The following NXPE2 variants were observed in gnomAD, a reference collection of about 807,000 sequenced individuals.
NXPE2 encodes neurexophilin and PC-esterase domain family member 2.
NXPE2 carries 34 observed loss-of-function variants against 34.4 expected under a neutral mutation model. The observed-to-expected ratio is 0.99, with a 90% CI of 0.75 to 1.31. NXPE2 has a LOEUF of 1.31. NXPE2 is among the 40% of genes most tolerant of loss of function. The pLI, the probability that NXPE2 is intolerant of heterozygous loss-of-function variation, is 0.00. For missense variants in NXPE2, 649 were observed against 672.5 expected (o/e 0.97, Z 0.39); for synonymous variants, 235 against 231.3 (o/e 1.02, Z -0.15).
chr11:114,784,741 A>G, the NXPE2 span, among the ~76,000 whole-genome samples: 1,404 of 152,318 alleles, frequency 9.2e-3, 26 homozygotes, highest in African/African-American at 0.032. Flanking sequence ...GAGAAAAGCC[A>G]GAAGATTCCT....
At chr11:114,686,076 G>A (rs1211939244) in intron 2 of NXPE2, among the ~76,000 whole-genome samples, 2 of 151,928 alleles carry the variant, frequency 1.3e-5, no homozygotes, top group Non-Finnish European at 2.9e-5. Context: ...TCCGTAAAGG[G>A]TACATGAGAT....
At chr11:114,737,222 AC>A in the NXPE2 span, among the ~76,000 whole-genome samples, 19 of 152,164 alleles carry the variant, frequency 1.2e-4, no homozygotes, top group African/African-American at 4.3e-4. Context: ...AATGCCCCTA[AC>A]TCATCTCTAC....
At chr11:114,600,687 G>A in the NXPE2 span, among the ~76,000 whole-genome samples, 1 of 151,956 alleles carries the variant, frequency 6.6e-6, no homozygotes, top group African/African-American at 2.4e-5. Context: ...ATAGAAGAAG[G>A]ACATTAACGG....
At chr11:114,610,960 T>G in the NXPE2 span, among the ~76,000 whole-genome samples, 1 of 151,802 alleles carries the variant, frequency 6.6e-6, no homozygotes, top group Non-Finnish European at 1.5e-5. Flanking sequence ...TGGTTTGTAA[T>G]AAGTGTTGCC....
chr11:114,612,433 G>A, the NXPE2 span, among the ~76,000 whole-genome samples: 3 of 151,642 alleles, frequency 2.0e-5, no homozygotes, highest in South Asian at 2.1e-4. Context: ...GTGTTGCCTC[G>A]TGGGTCACCA....
At chr11:114,583,903 CA>C in the NXPE2 span, 1 of 392,338 alleles carries the variant, frequency 2.5e-6, no homozygotes, top group Non-Finnish European at 5.0e-6. Context: ...TTGGGGCTGG[CA>C]AAGGCAGATA....
the NXPE2 span, among the ~76,000 whole-genome samples, chr11:114,567,962 G>GAT: frequency 3.4e-4 from 52 of 150,896 alleles, no homozygotes; most frequent in African/African-American, 9.0e-4. Flanking sequence ...TTGTACTTTC[G>GAT]ATATATATAT....
chr11:114,738,502 C>T, the NXPE2 span, among the ~76,000 whole-genome samples: 3 of 152,136 alleles, frequency 2.0e-5, no homozygotes, highest in African/African-American at 7.2e-5. Flanking sequence ...ATGCCTGGGC[C>T]AAGGCTTGGT....
At chr11:114,595,195 T>G in the NXPE2 span, among the ~76,000 whole-genome samples, 24,341 of 152,094 alleles carry the variant, frequency 0.16, 2,298 homozygotes, top group East Asian at 0.41. Context: ...GAATGCAAAT[T>G]AGTTTTTCTG....
At chr11:114,766,198 G>A in the NXPE2 span, among the ~76,000 whole-genome samples, 1 of 152,026 alleles carries the variant, frequency 6.6e-6, no homozygotes, top group African/African-American at 2.4e-5. Flanking sequence ...ATCTTGCAAT[G>A]CAGGCTGTTA....
the NXPE2 span, among the ~76,000 whole-genome samples, chr11:114,780,185 A>G: frequency 1.5e-4 from 23 of 152,208 alleles, no homozygotes; most frequent in Non-Finnish European, 2.9e-4. Flanking sequence ...TGACAAAAAC[A>G]AATGGGAGAG....
chr11:114,754,363 G>A, the NXPE2 span, among the ~76,000 whole-genome samples: 28 of 152,140 alleles, frequency 1.8e-4, no homozygotes, highest in Non-Finnish European at 3.7e-4. Flanking sequence ...GTGTCATGGA[G>A]GCTATGGTAC....
chr11:114,809,256 G>T, the NXPE2 span, among the ~76,000 whole-genome samples: 10 of 151,804 alleles, frequency 6.6e-5, no homozygotes, highest in Non-Finnish European at 1.2e-4. Flanking sequence ...GGGCAAAAAC[G>T]GGAAGCATTC....
the NXPE2 span, among the ~76,000 whole-genome samples, chr11:114,792,838 C>A: frequency 6.6e-6 from 1 of 152,198 alleles, no homozygotes; most frequent in Non-Finnish European, 1.5e-5. Context: ...GACATCAGTT[C>A]TGTGAGGTAG....
chr11:114,696,324 T>A, intron 2 of NXPE2, among the ~76,000 whole-genome samples: 1 of 110,452 alleles, frequency 9.1e-6, no homozygotes, highest in Non-Finnish European at 1.7e-5. Context: ...AGAGTGAGAC[T>A]CCATATCAAA....
the NXPE2 span, among the ~76,000 whole-genome samples, chr11:114,719,904 C>T: frequency 6.6e-6 from 1 of 152,208 alleles, no homozygotes; most frequent in Non-Finnish European, 1.5e-5. Context: ...GCTTGGTTCC[C>T]ATTATCATGC....
chr11:114,654,205 T>G, the NXPE2 span, among the ~76,000 whole-genome samples: 16 of 152,206 alleles, frequency 1.1e-4, no homozygotes, highest in African/African-American at 3.9e-4. Flanking sequence ...GTGAGATGCC[T>G]GCCTTCCACC....
the NXPE2 span, among the ~76,000 whole-genome samples, chr11:114,813,611 G>A: frequency 1.2e-4 from 18 of 152,258 alleles, no homozygotes; most frequent in Non-Finnish European, 1.8e-4. Context: ...CACAGTCTCC[G>A]GCCTCCACTG....
chr11:114,727,383 T>C, the NXPE2 span, among the ~76,000 whole-genome samples: 2 of 152,056 alleles, frequency 1.3e-5, no homozygotes, highest in African/African-American at 4.8e-5. Context: ...ATTCCATTCA[T>C]GAGGGCTCTG....
Sources: allele counts gnomAD v4.1 joint callset (sites outside exome capture counted in the v4.1 genomes callset), GRCh38; gene constraint gnomAD v4.1.1; transcripts MANE v1.5; gene names NCBI Gene and HGNC (gene_info 2026-07-23, HGNC 2026-07-21).